Variants in SNRNP70 observed in about 807,000 individuals in gnomAD.
SNRNP70 encodes U1 small nuclear ribonucleoprotein 70 kDa.
In SNRNP70, 8 loss-of-function variants were observed where a neutral mutation model predicts 50.5. That is an observed-to-expected ratio of 0.16 (90% CI 0.09 to 0.29). The LOEUF (loss-of-function observed/expected upper bound fraction) is 0.29. Ranked by LOEUF, SNRNP70 falls within the 10% of genes least tolerant of loss-of-function variation. SNRNP70 has a pLI of 1.00. For synonymous variants in SNRNP70, 320 were observed against 252.9 expected (o/e 1.27, Z -2.52); for missense variants, 529 against 663.5 (o/e 0.80, Z 2.23).
intron 2 of SNRNP70, among the ~76,000 whole-genome samples, chr19:49,088,161 G>C (rs552443523): frequency 1.2e-3 from 180 of 150,424 alleles, no homozygotes; most frequent in African/African-American, 4.2e-3. Context: ...AGAGTGCTGG[G>C]ATTACAGGTG....
intron 6 of SNRNP70, among the ~76,000 whole-genome samples, chr19:49,100,315 C>G (rs1291946347): frequency 6.6e-6 from 1 of 152,198 alleles, no homozygotes; most frequent in Non-Finnish European, 1.5e-5. Context: ...GGGTCCCTAG[C>G]ATGTTAGGAC....
chr19:49,097,472 A>G (rs2040527696), intron 4 of SNRNP70, among the ~76,000 whole-genome samples: 1 of 152,208 alleles, frequency 6.6e-6, no homozygotes, highest in Non-Finnish European at 1.5e-5. Context: ...TGCTCGGGTC[A>G]TCACCAGGGT....
At chr19:49,086,316 G>C in intron 1 of SNRNP70, 89 bp from the exon 2 acceptor site, 1 of 1,416,088 alleles carries the variant, frequency 7.1e-7, no homozygotes, top group Non-Finnish European at 9.5e-7. Context: ...CTTTTCTCCT[G>C]TCTTTCTTAT....
intron 7 of SNRNP70, 166 bp downstream of exon 7, chr19:49,101,637 G>GT: frequency 1.7e-6 from 1 of 602,398 alleles, no homozygotes; most frequent in East Asian, 2.8e-5. Context: ...TTATATACGT[G>GT]TTTTTTAAAA....
At chr19:49,085,894 C>T (rs981013399) in intron 1 of SNRNP70, among the ~76,000 whole-genome samples, 2 of 152,196 alleles carry the variant, frequency 1.3e-5, no homozygotes, top group Admixed American at 6.5e-5. Flanking sequence ...TTGTCCTGGA[C>T]CCTTACCCAT....
In SNRNP70 at chr19:49,107,513, C is replaced by A; in HGVS notation, c.578-112C>A. ...GCACGGGGGGACCCGGCCCTGTGAA[C>A]ACTAAGCCAGGGGCTGCCTTCCTGC... is the stretch of plus-strand genomic sequence containing the variant. On this transcript the variant is annotated intron_variant, in intron 8 of 9. Transcript: ENST00000598441. The surrounding 1 kb of genome is among the most constrained non-coding windows in gnomAD (Gnocchi z 6.0). The A allele has an allele frequency of 1.0e-6, 1 of 996,738 alleles. No homozygotes were observed. The highest frequency in any genetic ancestry group is 1.6e-6 in the Non-Finnish European group (1 of 640,484). The allele number at this position is 996,738 out of a possible 1,614,324, so 61.7% of individuals were successfully genotyped here. A position where few individuals can be genotyped will look rare whatever the true frequency, so the allele number is the denominator to read the frequency against.
intron 4 of SNRNP70, among the ~76,000 whole-genome samples, chr19:49,097,293 C>G (rs988237978): frequency 1.3e-5 from 2 of 152,058 alleles, no homozygotes; most frequent in Non-Finnish European, 2.9e-5. Flanking sequence ...TTAACACCTC[C>G]CTTTTTCTGT....
rs920768155 is a variant in SNRNP70, at chr19:49,108,592, A to C, written c.*149A>C. 9.2e-7 allele frequency: 1 copy of C among 1,087,488 alleles called. No individual in the cohort carries two copies. Among genetic ancestry groups the C allele is most frequent in the Middle Eastern group, 3.1e-4 (1 of 3,218 alleles). 67.4% of individuals were successfully genotyped at this position (1,087,488 alleles called of 1,614,324 possible). On this transcript the variant is annotated 3_prime_UTR_variant, in exon 10 of 10. Coordinates refer to ENST00000598441, the MANE Select transcript of SNRNP70 (RefSeq NM_003089.6). ...GCCCCTTGGATTTAAAAATAAAATT[A>C]ATTTCCTGTTGATAGTGGGCACCTC...
At chr19:49,105,938 A>G (rs1568423557) in intron 8 of SNRNP70, among the ~76,000 whole-genome samples, 1 of 152,118 alleles carries the variant, frequency 6.6e-6, no homozygotes, top group Non-Finnish European at 1.5e-5. Context: ...TGATTGACTC[A>G]GTGTTGGGCC....
Position 49,104,467 on chromosome 19 carries a change from G to T in SNRNP70, c.476-167G>T. The stretch of plus-strand genomic sequence containing the variant: ...CTGAGATGGAGCAGGCCCTTCACCG[G>T]TTTGGGAGAGGGTTGGTCTGGCTGT... On this transcript the variant is annotated intron_variant, in intron 7 of 9. Coordinates refer to ENST00000598441, the MANE Select transcript of SNRNP70 (RefSeq NM_003089.6). This position sits in a 1 kb window ranked among gnomAD's most constrained non-coding sequence, Gnocchi z 5.4. 4.8e-6 allele frequency: 3 copies of T among 624,424 alleles called. No individual in the cohort carries two copies. Among genetic ancestry groups the T allele is most frequent in the Non-Finnish European group, 8.7e-6 (3 of 343,262 alleles). 38.7% of individuals were successfully genotyped at this position (624,424 alleles called of 1,614,324 possible).
In SNRNP70 at chr19:49,101,812, C is replaced by T. The variant is rs552098718; in HGVS notation, c.475+341C>T. On this transcript the variant is annotated intron_variant, in intron 7 of 9. Transcript: ENST00000598441. ...GGGGGAACCTCCCCCATTCCCCCCA[C>T]TGAAGTTGGGGGTGGCCAGGTTGCA... The T allele has an allele frequency of 2.8e-5, 11 of 389,318 alleles. No homozygotes were observed. The East Asian group carries it at 4.8e-4, about 17-fold the overall frequency. 24.1% of individuals were successfully genotyped at this position (389,318 alleles called of 1,614,324 possible). A position where few individuals can be genotyped will look rare whatever the true frequency, so the allele number is the denominator to read the frequency against.
At chr19:49,098,525 C>G (rs373642510) in intron 5 of SNRNP70, 34 bp downstream of exon 5, 4 of 1,601,396 alleles carry the variant, frequency 2.5e-6, no homozygotes, top group Non-Finnish European at 3.4e-6. Flanking sequence ...TGGAACCCCA[C>G]GCTGCTGAGA....
chr19:49,102,273 A>G (rs10419811), intron 7 of SNRNP70: 828,830 of 873,946 alleles, frequency 0.95, 393,268 homozygotes, highest in East Asian at 1. Context: ...CCCTCCTCCC[A>G]CCCCAGTCGC....
chr19:49,095,598 G>A (rs537624483), intron 4 of SNRNP70, among the ~76,000 whole-genome samples: 2 of 148,940 alleles, frequency 1.3e-5, no homozygotes, highest in African/African-American at 2.5e-5. Context: ...GTAGTGGCAC[G>A]ATCTCGGTTT....
rs564752082 is a variant in SNRNP70, at chr19:49,086,669, G to T, written c.147+108G>T. 746 of 1,019,582 alleles carry T rather than the reference G, an allele frequency of 7.3e-4. 2 individuals carry two copies. The highest frequency in any genetic ancestry group is 3.7e-4 in the South Asian group (26 of 69,900). 63.2% of individuals were successfully genotyped at this position (1,019,582 alleles called of 1,614,324 possible). On this transcript the variant is annotated intron_variant, in intron 2 of 9. Coordinates refer to ENST00000598441, the MANE Select transcript of SNRNP70 (RefSeq NM_003089.6). ...TGCCAGCTGCGTGATTTAAGCGAGG[G>T]GCTTAACCTTTGTGATCCTCAGTTT...
At chr19:49,098,782 T>C in intron 6 of SNRNP70, 78 bp downstream of exon 6, 4 of 1,113,120 alleles carry the variant, frequency 3.6e-6, no homozygotes, top group African/African-American at 1.5e-5. Context: ...GGGAGAGAGG[T>C]CCCAGCCCTG....
Position 49,085,654 on chromosome 19 carries a change from AG to A in SNRNP70, c.-11+19del, listed in dbSNP as rs1405028858. 1 of 455,712 alleles carries A rather than the reference AG, an allele frequency of 2.2e-6. No homozygotes were observed. Among genetic ancestry groups the A allele is most frequent in the Middle Eastern group, 3.3e-4 (1 of 3,076 alleles). The allele number at this position is 455,712 out of a possible 1,614,324, so 28.2% of individuals were successfully genotyped here. The stretch of plus-strand genomic sequence containing the variant: ...GCTACGCGGTGAGTGAGTGTGACTG[AG>A]TGGCCCGACGGGGTGCGGGGCCGCT... On this transcript the variant is annotated intron_variant, in intron 1 of 9. Coordinates refer to ENST00000598441, the MANE Select transcript of SNRNP70 (RefSeq NM_003089.6).
chr19:49,104,771 C>G lies in SNRNP70; in HGVS notation c.577+36C>G. 1.4e-6 allele frequency: 2 copies of G among 1,393,836 alleles called. No individual in the cohort carries two copies. The highest frequency in any genetic ancestry group is 1.5e-5 in the African/African-American group (1 of 68,888). The allele number at this position is 1,393,836 out of a possible 1,614,324, so 86.3% of individuals were successfully genotyped here. On this transcript the variant is annotated intron_variant, in intron 8 of 9. Transcript: ENST00000598441. This position sits in a 1 kb window ranked among gnomAD's most constrained non-coding sequence, Gnocchi z 5.4. ...CCTGCCTTCGACGGGCTCTCGGGGG[C>G]CCTGGGCCTGGTGGCCTTGTTCTCC...
chr19:49,099,870 G>A (rs779374679), intron 6 of SNRNP70, among the ~76,000 whole-genome samples: 4 of 152,108 alleles, frequency 2.6e-5, no homozygotes, highest in African/African-American at 4.8e-5. Flanking sequence ...GCGAAACCCC[G>A]TCTCTACAAA....
Sources: gnomAD v4.1 joint callset for allele counts (sites outside exome capture counted in the v4.1 genomes callset) on GRCh38, gnomAD v4.1.1 for gene constraint, Gnocchi (gnomAD v3.1) non-coding constraint, MANE v1.5 for transcripts, NCBI Gene and HGNC (gene_info 2026-07-23, HGNC 2026-07-21) for gene names.